Variants in CACNA2D1 observed in about 807,000 individuals in gnomAD.
The protein encoded by CACNA2D1 is calcium voltage-gated channel auxiliary subunit alpha2delta 1.
Under a neutral mutation model 171.5 loss-of-function variants are expected in CACNA2D1, and 53 were observed. The ratio of observed to expected loss-of-function variants is 0.31; its 90% CI spans 0.25 to 0.39. The LOEUF (loss-of-function observed/expected upper bound fraction) is 0.39, where lower values mean the gene tolerates loss of function less well. Ranked by LOEUF, CACNA2D1 falls within the 10% of genes least tolerant of loss-of-function variation. The pLI, the probability that CACNA2D1 is intolerant of heterozygous loss-of-function variation, is 1.00. For missense variants in CACNA2D1, 903 were observed against 1,299.8 expected, an observed-to-expected ratio of 0.69 and a Z score of 4.69; for synonymous variants, 442 against 443.1, an observed-to-expected ratio of 1.00 and a Z score of 0.03.
chr7:82,102,770 T>C (rs991038075), intron 6 of CACNA2D1, among the ~76,000 whole-genome samples: 1 of 152,042 alleles, frequency 6.6e-6, no homozygotes, highest in Non-Finnish European at 1.5e-5. Flanking sequence ...CTTCCACCTA[T>C]AACCAATGGA....
intron 4 of CACNA2D1, among the ~76,000 whole-genome samples, chr7:82,140,857 A>C (rs1227171353): frequency 6.7e-6 from 1 of 150,188 alleles, no homozygotes; most frequent in African/African-American, 2.5e-5. Context: ...CGGGAGGCTG[A>C]GACAGGAGAA....
At chr7:82,377,983 T>C (rs1544464) in intron 1 of CACNA2D1, among the ~76,000 whole-genome samples, 69,767 of 152,050 alleles carry the variant, frequency 0.46, 16,534 homozygotes, top group East Asian at 0.57. Flanking sequence ...TGTATGATCC[T>C]GGGCAGGATG....
intron 1 of CACNA2D1, among the ~76,000 whole-genome samples, chr7:82,396,710 T>C (rs1307313073): frequency 6.6e-6 from 1 of 152,180 alleles, no homozygotes; most frequent in Non-Finnish European, 1.5e-5. Flanking sequence ...ACTTCTTATA[T>C]CCAAATAATG....
intron 3 of CACNA2D1, among the ~76,000 whole-genome samples, chr7:82,236,757 A>G (rs1803634598): frequency 6.6e-6 from 1 of 152,024 alleles, no homozygotes; most frequent in South Asian, 2.1e-4. Context: ...AAAGTAGAAG[A>G]AAAAACAGTA....
chr7:82,002,430 C>T (rs1383940805), intron 18 of CACNA2D1, among the ~76,000 whole-genome samples: 1 of 152,166 alleles, frequency 6.6e-6, no homozygotes, highest in Non-Finnish European at 1.5e-5. Flanking sequence ...TTTGTTATAG[C>T]AGCCTGAATG....
At chr7:82,408,477 A>C (rs1446948724) in intron 1 of CACNA2D1, among the ~76,000 whole-genome samples, 4 of 152,176 alleles carry the variant, frequency 2.6e-5, no homozygotes, top group Non-Finnish European at 4.4e-5. Flanking sequence ...ACATCTGAAT[A>C]TATGAAACTC....
chr7:82,138,078 G>A (rs966249733), intron 4 of CACNA2D1, among the ~76,000 whole-genome samples: 2 of 151,918 alleles, frequency 1.3e-5, no homozygotes, highest in Admixed American at 6.6e-5. Flanking sequence ...GTCTCTTTTC[G>A]GCAGAACTTC....
chr7:82,267,027 A>G (rs971884360), intron 3 of CACNA2D1, among the ~76,000 whole-genome samples: 4 of 152,214 alleles, frequency 2.6e-5, no homozygotes, highest in African/African-American at 9.6e-5. Flanking sequence ...AGATTAATCT[A>G]TCTTAAAATT....
chr7:82,232,271 C>A (rs2129278781), intron 3 of CACNA2D1, among the ~76,000 whole-genome samples: 1 of 152,184 alleles, frequency 6.6e-6, no homozygotes, highest in African/African-American at 2.4e-5. Context: ...TTGGCTTATA[C>A]CCATCACATT....
At chr7:82,382,144 G>A (rs1175429128) in intron 1 of CACNA2D1, among the ~76,000 whole-genome samples, 1 of 152,196 alleles carries the variant, frequency 6.6e-6, no homozygotes, top group East Asian at 1.9e-4. Flanking sequence ...CAGGGTTACA[G>A]ACTGTACAGA....
intron 38 of CACNA2D1, among the ~76,000 whole-genome samples, chr7:81,957,409 G>A (rs11977420): frequency 0.17 from 25,958 of 151,902 alleles, 2,341 homozygotes; most frequent in East Asian, 0.32. Flanking sequence ...TGATTTTCTA[G>A]AATTTCAAGC....
At chr7:82,355,687 T>C (rs1234622970) in intron 1 of CACNA2D1, among the ~76,000 whole-genome samples, 2 of 152,082 alleles carry the variant, frequency 1.3e-5, no homozygotes, top group Admixed American at 6.6e-5. Context: ...GTCTCTCTTC[T>C]TTTATATTAT....
chr7:82,420,451 C>T (rs1453822417), intron 1 of CACNA2D1, among the ~76,000 whole-genome samples: 3 of 152,164 alleles, frequency 2.0e-5, no homozygotes, highest in African/African-American at 7.2e-5. Context: ...TTCCAGTTTT[C>T]ATGCATTACC....
chr7:82,393,694 A>T (rs1390999185), intron 1 of CACNA2D1, among the ~76,000 whole-genome samples: 3 of 152,240 alleles, frequency 2.0e-5, no homozygotes, highest in African/African-American at 7.2e-5. Context: ...CACTGTATTT[A>T]TACTAAAGCT....
chr7:82,111,393 TGTATATATATATTCATATA>T (rs1788389871), intron 6 of CACNA2D1, among the ~76,000 whole-genome samples: 2 of 132,252 alleles, frequency 1.5e-5, no homozygotes, highest in East Asian at 2.2e-4. Context: ...TGTGTATATA[TGTATATATATATTCATATA>T]TGTGTATATA....
chr7:82,221,074 C>T (rs934889041), intron 3 of CACNA2D1, among the ~76,000 whole-genome samples: 10 of 152,214 alleles, frequency 6.6e-5, no homozygotes, highest in Admixed American at 6.5e-4. Context: ...CTGTGCCCAG[C>T]CCAGAAAAGT....
At chr7:82,160,149 CCT>C (rs938213023) in intron 4 of CACNA2D1, among the ~76,000 whole-genome samples, 6 of 151,874 alleles carry the variant, frequency 4.0e-5, no homozygotes, top group African/African-American at 1.4e-4. Context: ...TTCCTACTAG[CCT>C]CTATGAATGA....
At chr7:82,213,176 C>T (rs1800747858) in intron 3 of CACNA2D1, among the ~76,000 whole-genome samples, 1 of 152,172 alleles carries the variant, frequency 6.6e-6, no homozygotes, top group South Asian at 2.1e-4. Flanking sequence ...GCTGGGATTA[C>T]AGGCATGAGC....
intron 1 of CACNA2D1, among the ~76,000 whole-genome samples, chr7:82,442,302 A>G (rs1290042817): frequency 6.6e-6 from 1 of 152,238 alleles, no homozygotes; most frequent in Middle Eastern, 3.2e-3. Flanking sequence ...AGCAGCATAA[A>G]TACCGGGAAA....
Sources: gnomAD v4.1 joint callset for allele counts (sites outside exome capture counted in the v4.1 genomes callset) on GRCh38, gnomAD v4.1.1 for gene constraint, MANE v1.5 for transcripts, NCBI Gene and HGNC (gene_info 2026-07-23, HGNC 2026-07-21) for gene names.